PDE4D: variants seen among roughly 807,000 people sequenced by gnomAD.
PDE4D encodes phosphodiesterase 4D, also known as 3',5'-cyclic-AMP phosphodiesterase 4D.
A neutral mutation model predicts 87.4 loss-of-function variants in PDE4D; 24 were observed. The observed-to-expected ratio is 0.27, with a 90% CI of 0.20 to 0.39. The LOEUF (loss-of-function observed/expected upper bound fraction) is 0.39. PDE4D is among the 10% of genes least tolerant of loss of function. The probability of loss-of-function intolerance (pLI) is 1.00; values close to 1 mark genes in which losing one functional copy is unlikely to be tolerated. For missense variants in PDE4D, 714 were observed against 1,041.0 expected, an observed-to-expected ratio of 0.69 and a Z score of 4.32; for synonymous variants, 384 against 383.2, an observed-to-expected ratio of 1.00 and a Z score of -0.02.
intron 1 of PDE4D, among the ~76,000 whole-genome samples, chr5:59,644,110 G>A (rs1428992591): frequency 6.6e-6 from 1 of 152,192 alleles, no homozygotes; most frequent in African/African-American, 2.4e-5. Context: ...GAACAGGAAA[G>A]CCAGGTGACC....
In PDE4D at chr5:58,974,570, CAGTG is replaced by C; in HGVS notation, c.*90_*93del. ...GTTCAACAAACGTCCTGGCAGATGA[CAGTG>C]AGGTGTGACCGTGGTTGTGGCATGT... On this transcript the variant is annotated 3_prime_UTR_variant, in exon 15 of 15. Coordinates refer to ENST00000340635, the MANE Select transcript of PDE4D (RefSeq NM_001104631.2). 8.6e-7 allele frequency: 1 copy of C among 1,165,114 alleles called. No homozygotes were observed. Among genetic ancestry groups the C allele is most frequent in the South Asian group, 1.6e-5 (1 of 61,746 alleles). 72.2% of individuals were successfully genotyped at this position (1,165,114 alleles called of 1,614,324 possible).
intron 1 of PDE4D, among the ~76,000 whole-genome samples, chr5:59,836,656 A>ATCTATCTATCTATATATCTATCTATCTT (rs1207936243): frequency 1.3e-5 from 2 of 149,158 alleles, no homozygotes; most frequent in African/African-American, 5.0e-5. Context: ...CTATCTATCT[A>ATCTATCTATCTATATATCTATCTATCTT]TCATCTATCT....
At chr5:60,025,138 G>T (rs1766490955) in intron 2 of PDE4D, among the ~76,000 whole-genome samples, 1 of 152,152 alleles carries the variant, frequency 6.6e-6, no homozygotes, top group Admixed American at 6.5e-5. Context: ...TTATTAGACT[G>T]AAGATACAGA....
chr5:59,055,484 C>G (rs2153407413), intron 5 of PDE4D, among the ~76,000 whole-genome samples: 1 of 152,280 alleles, frequency 6.6e-6, no homozygotes, highest in East Asian at 1.9e-4. Context: ...TCACCTCCAT[C>G]TCTATCTTTT....
intron 11 of PDE4D, among the ~76,000 whole-genome samples, chr5:58,978,355 A>C (rs1417286158): frequency 1.3e-5 from 2 of 152,158 alleles, no homozygotes. Context: ...TCAAGGCTGC[A>C]GTGAGCCATT....
intron 5 of PDE4D, among the ~76,000 whole-genome samples, chr5:59,168,539 G>C (rs1282243582): frequency 6.6e-6 from 1 of 152,194 alleles, no homozygotes; most frequent in Non-Finnish European, 1.5e-5. Flanking sequence ...TATAACTATA[G>C]AGAGTTTTTA....
rs1452233683 is a variant in PDE4D at position 60,356,109 on chromosome 5, G to A, written c.-90+131833C>T. 2.6e-5 allele frequency among the ~76,000 whole-genome samples: 4 copies of A among 152,090 alleles called. No homozygotes were observed. In the East Asian group the frequency reaches 7.7e-4, roughly 29 times the overall value. ...CCAAGAGAGTGAAAAAAACTGCAGG[G>A]GGTCCATAATTAACTGGTCAGGAAC... On this transcript the variant is annotated intron_variant, in intron 1 of 16. Transcript: ENST00000502484.
At chr5:60,302,583 C>T in intron 1 of PDE4D, among the ~76,000 whole-genome samples, 1 of 151,956 alleles carries the variant, frequency 6.6e-6, no homozygotes, top group East Asian at 1.9e-4. Flanking sequence ...GTCTAGCTAG[C>T]AGTCTCTTTT....
intron 1 of PDE4D, among the ~76,000 whole-genome samples, chr5:60,429,252 A>AT (rs1330732957): frequency 6.6e-6 from 1 of 152,048 alleles, no homozygotes; most frequent in African/African-American, 2.4e-5. Context: ...TAGATATGTT[A>AT]TTTTTTGTGG....
chr5:60,242,409 A>T (rs1747232265), intron 1 of PDE4D, among the ~76,000 whole-genome samples: 2 of 152,272 alleles, frequency 1.3e-5, no homozygotes, highest in South Asian at 4.1e-4. Context: ...GTCATAGGAC[A>T]GATCTCCCAT....
intron 1 of PDE4D, among the ~76,000 whole-genome samples, chr5:59,301,438 C>T (rs1378768670): frequency 1.3e-5 from 2 of 152,172 alleles, no homozygotes; most frequent in African/African-American, 4.8e-5. Flanking sequence ...TGAATCTACA[C>T]TTATTATAGC....
At chr5:59,503,507 G>A (rs1236367597) in intron 1 of PDE4D, among the ~76,000 whole-genome samples, 5 of 152,090 alleles carry the variant, frequency 3.3e-5, no homozygotes, top group African/African-American at 1.2e-4. Flanking sequence ...TAGTCTATAG[G>A]TATTATGATC....
At chr5:59,011,368 A>T (rs915399214) in intron 6 of PDE4D, among the ~76,000 whole-genome samples, 9 of 152,188 alleles carry the variant, frequency 5.9e-5, no homozygotes, top group Non-Finnish European at 8.8e-5. Context: ...AGGATGTTCA[A>T]ACCCATCGCA....
At chr5:58,977,425 G>T in intron 11 of PDE4D, 80 bp from the exon 12 acceptor site, 2 of 1,368,150 alleles carry the variant, frequency 1.5e-6, no homozygotes, top group Non-Finnish European at 2.0e-6. Context: ...CTGGATTTAG[G>T]ATGTAATTTC....
At chr5:60,378,149 T>C (rs1052790252) in intron 1 of PDE4D, among the ~76,000 whole-genome samples, 2 of 152,334 alleles carry the variant, frequency 1.3e-5, no homozygotes, top group South Asian at 2.1e-4. Context: ...ATGGTAATGA[T>C]AGTAATCCCA....
intron 11 of PDE4D, among the ~76,000 whole-genome samples, chr5:58,980,685 T>TGGGGGAAATGGGGGGAAG (rs1744905532): frequency 6.7e-6 from 1 of 149,002 alleles, no homozygotes; most frequent in East Asian, 2.0e-4. Flanking sequence ...GCTAATGAAA[T>TGGGGGAAATGGGGGGAAG]GGGGGGAAGG....
intron 1 of PDE4D, among the ~76,000 whole-genome samples, chr5:60,361,911 TA>T (rs749177276): frequency 6.6e-6 from 1 of 152,126 alleles, no homozygotes; most frequent in Non-Finnish European, 1.5e-5. Flanking sequence ...CTAAAACTTG[TA>T]AAAAAATAAT....
rs557707005 is a variant in PDE4D at position 60,431,908 on chromosome 5, C to CA, written c.-90+56033dup. Among the ~76,000 whole-genome samples the CA allele has an allele frequency of 1.8e-3, 277 of 152,278 alleles. 1 individual carries two copies. Among genetic ancestry groups the CA allele is most frequent in the African/African-American group, 6.4e-3 (267 of 41,574 alleles). On this transcript the variant is annotated intron_variant, in intron 1 of 16. Transcript: ENST00000502484. ...CAACACAGCGAAACCCCGTCTCCAC[C>CA]AAAAAAATACGAAAACCTGTCAGGT... is the stretch of plus-strand genomic sequence containing the variant.
chr5:59,368,578 T>C (rs1483090692), intron 1 of PDE4D, among the ~76,000 whole-genome samples: 2 of 152,212 alleles, frequency 1.3e-5, no homozygotes, highest in Non-Finnish European at 2.9e-5. Context: ...ATTCCACTGA[T>C]TTGCAATTAT....
Sources: gnomAD v4.1 joint callset for allele counts (sites outside exome capture counted in the v4.1 genomes callset) on GRCh38, gnomAD v4.1.1 for gene constraint, MANE v1.5 for transcripts, NCBI Gene and HGNC (gene_info 2026-07-23, HGNC 2026-07-21) for gene names.